The following PLCH1 variants were observed in gnomAD, a reference collection of about 807,000 sequenced individuals.
PLCH1 encodes phospholipase C eta 1.
PLCH1 carries 60 observed loss-of-function variants against 126.7 expected under a neutral mutation model. That is an observed-to-expected ratio of 0.47 (90% CI 0.38 to 0.59). The LOEUF (loss-of-function observed/expected upper bound fraction) is 0.59, where lower values mean the gene tolerates loss of function less well. PLCH1 is among the 20% of genes least tolerant of loss of function. PLCH1 has a pLI of 0.00. For missense variants in PLCH1, 1,723 were observed against 2,040.0 expected, an observed-to-expected ratio of 0.84 and a Z score of 2.99; for synonymous variants, 719 against 734.9, an observed-to-expected ratio of 0.98 and a Z score of 0.35.
At chr3:155,523,075 C>T (rs1185596791) in intron 11 of PLCH1, among the ~76,000 whole-genome samples, 2 of 152,068 alleles carry the variant, frequency 1.3e-5, no homozygotes, top group African/African-American at 2.4e-5. Context: ...CCCAGGTTCA[C>T]GCCATTTTCC....
intron 19 of PLCH1, 67 bp downstream of exon 19, chr3:155,490,716 CT>C (rs1239941672): frequency 1.5e-5 from 14 of 910,906 alleles, no homozygotes; most frequent in African/African-American, 6.6e-5. Context: ...TACATAGACA[CT>C]TTTTTTAGTG....
At chr3:155,546,734 C>G (rs4680192) in intron 10 of PLCH1, among the ~76,000 whole-genome samples, 113,619 of 145,452 alleles carry the variant, frequency 0.78, 46,704 homozygotes, top group Middle Eastern at 0.95. Flanking sequence ...AAATAACGCC[C>G]CATGTCTACA....
chr3:155,639,203 A>G (rs1739097078), intron 2 of PLCH1, among the ~76,000 whole-genome samples: 1 of 152,160 alleles, frequency 6.6e-6, no homozygotes, highest in Non-Finnish European at 1.5e-5. Context: ...TCACACCGGT[A>G]ATGTCAGCAC....
intron 1 of PLCH1, among the ~76,000 whole-genome samples, chr3:155,711,140 C>T (rs1219883194): frequency 2.6e-5 from 4 of 151,734 alleles, no homozygotes; most frequent in Non-Finnish European, 5.9e-5. Flanking sequence ...ACACCAAACA[C>T]AAAAAATCCT....
intron 10 of PLCH1, among the ~76,000 whole-genome samples, chr3:155,534,371 G>C (rs540157035): frequency 1.3e-5 from 2 of 152,202 alleles, no homozygotes; most frequent in Non-Finnish European, 2.9e-5. Context: ...CATGGAGCCT[G>C]TATCTCCTTT....
At chr3:155,548,508 C>T (rs2085037127) in intron 10 of PLCH1, among the ~76,000 whole-genome samples, 1 of 152,142 alleles carries the variant, frequency 6.6e-6, no homozygotes, top group South Asian at 2.1e-4. Flanking sequence ...CTCAATTAGT[C>T]CACATTAAAT....
intron 8 of PLCH1, among the ~76,000 whole-genome samples, chr3:155,556,137 T>C (rs939920004): frequency 6.6e-6 from 1 of 152,204 alleles, no homozygotes; most frequent in Admixed American, 6.6e-5. Flanking sequence ...ATTGAAAGTC[T>C]GCCTTTAGAG....
chr3:155,675,790 T>A (rs1285312963), intron 2 of PLCH1, among the ~76,000 whole-genome samples: 1 of 152,196 alleles, frequency 6.6e-6, no homozygotes, highest in Non-Finnish European at 1.5e-5. Context: ...CAAATTCTAC[T>A]CTTATAAAAG....
chr3:155,623,667 T>A (rs928472391), intron 2 of PLCH1, among the ~76,000 whole-genome samples: 18 of 152,128 alleles, frequency 1.2e-4, no homozygotes, highest in Admixed American at 1.2e-3. Flanking sequence ...AAGAAATGGA[T>A]AAATTCCAGG....
intron 21 of PLCH1, among the ~76,000 whole-genome samples, chr3:155,451,429 C>T (rs1015509025): frequency 4.6e-5 from 7 of 152,084 alleles, no homozygotes; most frequent in Admixed American, 3.3e-4. Context: ...CATTATGTGC[C>T]TCCTGATTTG....
At chr3:155,489,251 G>A (rs961026964) in intron 19 of PLCH1, among the ~76,000 whole-genome samples, 1 of 152,110 alleles carries the variant, frequency 6.6e-6, no homozygotes, top group Non-Finnish European at 1.5e-5. Flanking sequence ...AGGTGCATTT[G>A]CAGGTTTCAA....
intron 2 of PLCH1, among the ~76,000 whole-genome samples, chr3:155,692,307 G>T (rs1338736303): frequency 6.6e-6 from 1 of 152,130 alleles, no homozygotes; most frequent in Non-Finnish European, 1.5e-5. Context: ...ATTATATGCT[G>T]TATTAAATCA....
chr3:155,506,199 G>A (rs1299314577), intron 12 of PLCH1, among the ~76,000 whole-genome samples: 3 of 152,154 alleles, frequency 2.0e-5, no homozygotes, highest in South Asian at 2.1e-4. Flanking sequence ...CAATTTTACA[G>A]AAAAGGAAAG....
intron 2 of PLCH1, among the ~76,000 whole-genome samples, chr3:155,659,622 C>G (rs1170972724): frequency 6.6e-6 from 1 of 151,938 alleles, no homozygotes; most frequent in South Asian, 2.1e-4. Flanking sequence ...CCTCAGCCTC[C>G]CGAGTAGCTG....
intron 2 of PLCH1, among the ~76,000 whole-genome samples, chr3:155,615,793 A>C (rs1396495974): frequency 6.6e-6 from 1 of 152,152 alleles, no homozygotes; most frequent in Non-Finnish European, 1.5e-5. Context: ...GTGAAGGATA[A>C]AAGACTGCAC....
intron 2 of PLCH1, among the ~76,000 whole-genome samples, chr3:155,703,880 G>A (rs951435454): frequency 6.6e-6 from 1 of 152,142 alleles, no homozygotes; most frequent in Non-Finnish European, 1.5e-5. Context: ...TTGACAGTGT[G>A]GTAGAAGAGG....
intron 2 of PLCH1, among the ~76,000 whole-genome samples, chr3:155,662,826 G>A (rs544725897): frequency 1.4e-4 from 22 of 152,102 alleles, no homozygotes; most frequent in Non-Finnish European, 3.1e-4. Flanking sequence ...ACCACGCCCG[G>A]CTACTTTTTG....
intron 4 of PLCH1, among the ~76,000 whole-genome samples, chr3:155,591,397 G>C (rs1732152347): frequency 6.6e-6 from 1 of 152,072 alleles, no homozygotes; most frequent in South Asian, 2.1e-4. Flanking sequence ...TAAACATGAG[G>C]TTCCCCCCTT....
chr3:155,721,511 T>C (rs1747942642), intron 1 of PLCH1, among the ~76,000 whole-genome samples: 1 of 152,200 alleles, frequency 6.6e-6, no homozygotes, highest in Non-Finnish European at 1.5e-5. Context: ...ATTCTCAGCT[T>C]GGTCGCTGTT....
Sources: allele counts gnomAD v4.1 joint callset (sites outside exome capture counted in the v4.1 genomes callset), GRCh38; gene constraint gnomAD v4.1.1; transcripts MANE v1.5; gene names NCBI Gene and HGNC (gene_info 2026-07-23, HGNC 2026-07-21).